EYS: variants seen among roughly 807,000 people sequenced by gnomAD.
EYS encodes the protein EGF-like photoreceptor maintenance factor, also known as protein eyes shut homolog.
A neutral mutation model predicts 282.1 loss-of-function variants in EYS; 250 were observed. That is an observed-to-expected ratio of 0.89 (90% CI 0.80 to 0.98). EYS has a LOEUF of 0.98. Among genes scored for constraint, EYS ranks in the 50% least tolerant of loss-of-function variants. The pLI is 0.00. For missense variants in EYS, 4,016 were observed against 3,709.0 expected, an observed-to-expected ratio of 1.08 and a Z score of -2.15; for synonymous variants, 1,355 against 1,282.9, an observed-to-expected ratio of 1.06 and a Z score of -1.20.
At chr6:65,070,543 G>A (rs978126236) in intron 12 of EYS, among the ~76,000 whole-genome samples, 4 of 151,194 alleles carry the variant, frequency 2.6e-5, no homozygotes. Flanking sequence ...TTGTTTGTGG[G>A]TACACTGTAG....
chr6:64,757,434 T>C (rs1772978426), intron 22 of EYS, among the ~76,000 whole-genome samples: 1 of 152,214 alleles, frequency 6.6e-6, no homozygotes, highest in Admixed American at 6.5e-5. Flanking sequence ...CATGCATTTT[T>C]TTTTTATTTC....
rs925412084 is a variant in EYS, at chr6:65,370,474, C to T, written c.1299+13912G>A. Among the ~76,000 whole-genome samples, 19 of 150,950 alleles carry T rather than the reference C, an allele frequency of 1.3e-4. 1 individual carries two copies. Among genetic ancestry groups the T allele is most frequent in the African/African-American group, 2.2e-4 (9 of 41,260 alleles). Reference sequence around the variant, plus strand: ...CTCATGATGTATTCCAGGCTGGTCTCGAACTCCTGGCCTCAAGCCATCCTT... The same window carrying T: ...CTCATGATGTATTCCAGGCTGGTCTTGAACTCCTGGCCTCAAGCCATCCTT... On this transcript the variant is annotated intron_variant, in intron 8 of 42. Transcript: ENST00000503581.
intron 12 of EYS, among the ~76,000 whole-genome samples, chr6:65,263,304 G>A (rs1276357007): frequency 6.6e-6 from 1 of 151,992 alleles, no homozygotes; most frequent in African/African-American, 2.4e-5. Context: ...TCGTGCCAAT[G>A]TACTCCAGCC....
intron 13 of EYS, among the ~76,000 whole-genome samples, chr6:65,048,563 T>C (rs1023415309): frequency 6.6e-6 from 1 of 151,888 alleles, no homozygotes. Flanking sequence ...ATATACTTCT[T>C]TTTGACTGGT....
chr6:64,321,057 G>T (rs1328182307), intron 29 of EYS, among the ~76,000 whole-genome samples: 2 of 151,482 alleles, frequency 1.3e-5, no homozygotes, highest in Non-Finnish European at 3.0e-5. Context: ...TTCTGTTATT[G>T]ACTTTCAAGT....
At chr6:65,301,302 T>C (rs1371828680) in intron 11 of EYS, among the ~76,000 whole-genome samples, 1 of 152,218 alleles carries the variant, frequency 6.6e-6, no homozygotes, top group Non-Finnish European at 1.5e-5. Flanking sequence ...GAGACCATCC[T>C]GGCTAACACG....
At chr6:65,529,294 T>G (rs1351182150) in intron 2 of EYS, among the ~76,000 whole-genome samples, 1 of 152,176 alleles carries the variant, frequency 6.6e-6, no homozygotes, top group East Asian at 1.9e-4. Context: ...TAATTCTGTG[T>G]AAGTAACCAC....
At chr6:65,317,777 T>TCTTCCTTC (rs911036026) in intron 11 of EYS, among the ~76,000 whole-genome samples, 604 of 57,408 alleles carry the variant, frequency 0.011, 23 homozygotes, top group Middle Eastern at 0.025. Context: ...CTACATTTTC[T>TCTTCCTTC]CTTCCTTCCT....
intron 5 of EYS, among the ~76,000 whole-genome samples, chr6:65,433,023 C>T (rs924185874): frequency 5.9e-5 from 9 of 151,854 alleles, no homozygotes; most frequent in African/African-American, 2.2e-4. Context: ...TTGTTTTGTG[C>T]AATTAAGTTA....
At chr6:64,196,195 C>T (rs1384342079) in intron 31 of EYS, among the ~76,000 whole-genome samples, 243 of 151,916 alleles carry the variant, frequency 1.6e-3, no homozygotes, top group African/African-American at 5.3e-3. Context: ...CACAATGAGA[C>T]ACCATCTCAC....
chr6:65,519,332 T>C (rs1450529471), intron 2 of EYS, among the ~76,000 whole-genome samples: 1 of 151,692 alleles, frequency 6.6e-6, no homozygotes, highest in East Asian at 1.9e-4. Context: ...CAAATTAAAC[T>C]TTAAATGAGT....
chr6:64,907,498 T>G (rs1251261322), intron 16 of EYS, among the ~76,000 whole-genome samples: 4 of 152,178 alleles, frequency 2.6e-5, no homozygotes. Flanking sequence ...AAACATGAAC[T>G]TAGTTAAGAA....
chr6:64,981,753 G>A (rs148438573), intron 14 of EYS, among the ~76,000 whole-genome samples: 1 of 151,416 alleles, frequency 6.6e-6, no homozygotes, highest in East Asian at 2.0e-4. Context: ...AGAAAATGCA[G>A]ACCATTTTTA....
intron 19 of EYS, among the ~76,000 whole-genome samples, chr6:64,867,213 T>C (rs984495662): frequency 8.1e-6 from 1 of 123,088 alleles, no homozygotes; most frequent in African/African-American, 2.8e-5. Context: ...ATTAAAAGTT[T>C]ATAGAGAATT....
intron 22 of EYS, among the ~76,000 whole-genome samples, chr6:64,678,539 C>A (rs1769777276): frequency 6.6e-6 from 1 of 152,172 alleles, no homozygotes; most frequent in Non-Finnish European, 1.5e-5. Flanking sequence ...GATAGGGTGA[C>A]TGCACTCCAG....
intron 22 of EYS, among the ~76,000 whole-genome samples, chr6:64,646,328 G>GA (rs1308091097): frequency 6.6e-6 from 1 of 152,006 alleles, no homozygotes; most frequent in African/African-American, 2.4e-5. Flanking sequence ...TTGAGAAAGG[G>GA]AAAAAATCAA....
At position 64,417,162 on chromosome 6, in the gene EYS, A is replaced by G. The variant is rs767371696; in HGVS notation, c.5927+19012T>C. 1.7e-3 allele frequency among the ~76,000 whole-genome samples: 252 copies of G among 152,320 alleles called. 3 individuals carry two copies. The highest frequency in any genetic ancestry group is 6.7e-3 in the Admixed American group (103 of 15,288). ...TTACAGTGAAAAGCTATACACATAT[A>G]TTTGTAATTTTAAAATGCTCAAGAG... On this transcript the variant is annotated intron_variant, in intron 28 of 42. Transcript: ENST00000503581.
intron 30 of EYS, among the ~76,000 whole-genome samples, chr6:64,282,181 G>A (rs1242646729): frequency 1.3e-5 from 2 of 152,032 alleles, no homozygotes; most frequent in Non-Finnish European, 2.9e-5. Context: ...GCCAGTAGAA[G>A]GACAACTTGA....
chr6:65,220,562 A>C (rs1218594006), intron 12 of EYS, among the ~76,000 whole-genome samples: 1 of 152,166 alleles, frequency 6.6e-6, no homozygotes, highest in Non-Finnish European at 1.5e-5. Flanking sequence ...CTGTGAGTCC[A>C]TTAAGCCTCT....
Sources: gnomAD v4.1 joint callset for allele counts (sites outside exome capture counted in the v4.1 genomes callset) on GRCh38, gnomAD v4.1.1 for gene constraint, MANE v1.5 for transcripts, NCBI Gene and HGNC (gene_info 2026-07-23, HGNC 2026-07-21) for gene names.